GPSM2: variants seen among roughly 807,000 people sequenced by gnomAD.
GPSM2 encodes the protein G protein-signaling modulator 2.
GPSM2 carries 58 observed loss-of-function variants against 78.4 expected under a neutral mutation model. That is an observed-to-expected ratio of 0.74 (90% confidence interval 0.60 to 0.92). The LOEUF (loss-of-function observed/expected upper bound fraction) is 0.92. Ranked by LOEUF, GPSM2 falls within the 40% of genes least tolerant of loss-of-function variation. The probability of loss-of-function intolerance (pLI) is 0.00; values close to 1 mark genes in which losing one functional copy is unlikely to be tolerated. For synonymous variants in GPSM2, 224 were observed against 280.2 expected (o/e 0.80, Z 2.00); for missense variants, 700 against 815.5 (o/e 0.86, Z 1.73).
chr1:108,898,036 C>A lies in GPSM2; in HGVS notation c.492C>A (p.Pro164=), dbSNP rs962575267. 6.2e-7 allele frequency: 1 copy of A among 1,613,900 alleles called. No homozygotes were observed. Among genetic ancestry groups the A allele is most frequent in the Non-Finnish European group, 8.5e-7 (1 of 1,179,928 alleles). ...GGAAAAGTTTTGGTTGCCCTGGTCC[C>A]CAGGATGTAGGAGAATTTCCAGAAG... ...AKGKSFGCPG[P]QDVGEFPEEV... The change falls in exon 5 of 15, where the codon CCC becomes CCA. Residue 164 remains proline (P), a synonymous_variant. Transcript: ENST00000264126.
At position 108,878,125 on chromosome 1, in the gene GPSM2, C is replaced by T. The variant is rs548933070; in HGVS notation, c.-249+897C>T. Among the ~76,000 whole-genome samples, 241 of 152,242 alleles carry T rather than the reference C, an allele frequency of 1.6e-3. 1 individual carries two copies. The highest frequency in any genetic ancestry group is 5.4e-3 in the African/African-American group (226 of 41,530). On this transcript the variant is annotated intron_variant, in intron 1 of 14. Transcript: ENST00000264126. ...CGAAGATTTCTGGCCTGATAATAGC[C>T]GGTGTGATTGCTTCTGATAAATACC...
chr1:108,905,702 T>G (rs988314616), intron 10 of GPSM2, among the ~76,000 whole-genome samples: 3 of 152,188 alleles, frequency 2.0e-5, no homozygotes, highest in African/African-American at 7.2e-5. Context: ...TCCTTCCTTC[T>G]TACTGATTTT....
At chr1:108,908,685 GCACA>G (rs894708542) in intron 10 of GPSM2, among the ~76,000 whole-genome samples, 13 of 119,720 alleles carry the variant, frequency 1.1e-4, no homozygotes, top group East Asian at 3.9e-4. Flanking sequence ...ACACGTGCGC[GCACA>G]CACACACAGC....
Position 108,924,171 on chromosome 1 carries a change from A to C in GPSM2, c.1772A>C (p.Lys591Thr), listed in dbSNP as rs1386317868. 3 of 1,613,852 alleles carry C rather than the reference A, an allele frequency of 1.9e-6. No individual in the cohort carries two copies. The highest frequency in any genetic ancestry group is 2.5e-6 in the Non-Finnish European group (3 of 1,179,836). Residue 591 changes from lysine to threonine, a missense_variant, in exon 14 of 15, where the codon AAA (lysine) becomes ACA (threonine). Coordinates refer to ENST00000264126, the MANE Select transcript of GPSM2 (RefSeq NM_013296.5). ...AGCCACCTGATGACTAATGACAACA[A>C]AGAGGCTGATGAAGATTTCTTTGAC... ...VLSHLMTNDN[K>T]EADEDFFDIL...
At chr1:108,919,511 T>C (rs12130952) in intron 12 of GPSM2, among the ~76,000 whole-genome samples, 7,463 of 152,190 alleles carry the variant, frequency 0.049, 199 homozygotes, top group African/African-American at 0.079. Context: ...GAAACTACAA[T>C]GATAGAATTA....
intron 10 of GPSM2, among the ~76,000 whole-genome samples, chr1:108,912,606 G>A (rs1649842860): frequency 6.6e-6 from 1 of 150,582 alleles, no homozygotes. Context: ...TGGACATGGT[G>A]TTGCATGCCT....
At chr1:108,923,239 G>GT (rs1360003056) in intron 13 of GPSM2, among the ~76,000 whole-genome samples, 26 of 152,154 alleles carry the variant, frequency 1.7e-4, no homozygotes, top group Non-Finnish European at 2.9e-5. Context: ...TTGCTGTGTT[G>GT]TCCAGGCTGG....
At chr1:108,896,288 A>G (rs1226002180) in intron 2 of GPSM2, among the ~76,000 whole-genome samples, 1 of 152,144 alleles carries the variant, frequency 6.6e-6, no homozygotes, top group Non-Finnish European at 1.5e-5. Flanking sequence ...CTTACAGATC[A>G]AGAATATTTT....
At chr1:108,897,673 G>A in intron 4 of GPSM2, 46 bp downstream of exon 4, 1 of 1,546,430 alleles carries the variant, frequency 6.5e-7, no homozygotes, top group Non-Finnish European at 8.9e-7. Context: ...TTCATTCAAA[G>A]GGCTTTGCAT....
rs533005424 is a variant in GPSM2 at position 108,918,377 on chromosome 1, T to G, written c.1264-236T>G. On this transcript the variant is annotated intron_variant, in intron 11 of 14. Transcript: ENST00000264126. ...TAAACCTTGCTTTCTTATTCGTAGG[T>G]TCTTAAAAACCAGCATTTTAATGTT... 3.9e-5 allele frequency among the ~76,000 whole-genome samples: 6 copies of G among 152,304 alleles called. No individual in the cohort carries two copies. The South Asian group carries it at 1.2e-3, about 32-fold the overall frequency.
intron 10 of GPSM2, among the ~76,000 whole-genome samples, chr1:108,908,728 AAC>A (rs71591128): frequency 2.0e-5 from 3 of 148,354 alleles, no homozygotes; most frequent in African/African-American, 7.8e-5. Context: ...TCAAAACACA[AAC>A]ACACACACGC....
intron 12 of GPSM2, among the ~76,000 whole-genome samples, chr1:108,920,776 G>A (rs2101536677): frequency 6.6e-6 from 1 of 152,218 alleles, no homozygotes; most frequent in Non-Finnish European, 1.5e-5. Flanking sequence ...GGAATTCAAG[G>A]AAGCCATGCC....
At chr1:108,886,486 G>A (rs1396205894) in intron 2 of GPSM2, among the ~76,000 whole-genome samples, 1 of 152,156 alleles carries the variant, frequency 6.6e-6, no homozygotes, top group Non-Finnish European at 1.5e-5. Flanking sequence ...AAGCTTCACG[G>A]TCCCTAGGGA....
intron 1 of GPSM2, chr1:108,877,827 C>T (rs992982882): frequency 6.6e-6 from 1 of 151,838 alleles, no homozygotes; most frequent in Non-Finnish European, 1.5e-5. Flanking sequence ...TATAGAATAC[C>T]TTCGAATAAA....
intron 1 of GPSM2, among the ~76,000 whole-genome samples, chr1:108,884,858 T>A (rs2101324675): frequency 6.6e-6 from 1 of 152,360 alleles, no homozygotes; most frequent in Middle Eastern, 3.4e-3. Context: ...ATAACCGAAG[T>A]ATCAGTGTGA....
At chr1:108,895,560 C>G (rs148943753) in intron 2 of GPSM2, among the ~76,000 whole-genome samples, 13 of 152,244 alleles carry the variant, frequency 8.5e-5, no homozygotes, top group African/African-American at 1.7e-4. Context: ...CCATTAGATT[C>G]TCATAGGAGT....
intron 10 of GPSM2, among the ~76,000 whole-genome samples, chr1:108,913,198 A>G (rs896649725): frequency 2.6e-5 from 4 of 152,216 alleles, no homozygotes; most frequent in African/African-American, 7.2e-5. Context: ...TTGTGCTCCC[A>G]GTTATATACT....
At chr1:108,912,432 CAGATTT>C (rs1347674271) in intron 10 of GPSM2, among the ~76,000 whole-genome samples, 2 of 151,922 alleles carry the variant, frequency 1.3e-5, no homozygotes, top group Non-Finnish European at 2.9e-5. Context: ...ATGTGAAAGA[CAGATTT>C]AGAGCAGTAA....
At chr1:108,925,766 A>G (rs1296391719) in intron 14 of GPSM2, among the ~76,000 whole-genome samples, 1 of 152,086 alleles carries the variant, frequency 6.6e-6, no homozygotes, top group African/African-American at 2.4e-5. Flanking sequence ...GTAAATATAG[A>G]AACTTTAATG....
Sources: gnomAD v4.1 joint callset for allele counts (sites outside exome capture counted in the v4.1 genomes callset) on GRCh38, gnomAD v4.1.1 for gene constraint, MANE v1.5 for transcripts, NCBI Gene and HGNC (gene_info 2026-07-23, HGNC 2026-07-21) for gene names.